The following SOS1 variants were observed in gnomAD, a reference collection of about 807,000 sequenced individuals.
SOS1 encodes the protein son of sevenless homolog 1.
Under a neutral mutation model 157.6 loss-of-function variants are expected in SOS1, and 25 were observed. The observed-to-expected ratio is 0.16, with a 90% CI of 0.12 to 0.22. SOS1 has a LOEUF of 0.22. SOS1 is among the 10% of genes least tolerant of loss of function. The pLI, the probability that SOS1 is intolerant of heterozygous loss-of-function variation, is 1.00. For missense variants in SOS1, 1,237 were observed against 1,599.1 expected (o/e 0.77, Z 3.86); for synonymous variants, 528 against 534.0 (o/e 0.99, Z 0.16).
At position 38,986,026 on chromosome 2, in the gene SOS1, TGAG is replaced by T. The variant is rs1272230145; in HGVS notation, c.3797_3799del (p.Pro1266del). On this transcript the variant is annotated inframe_deletion, in exon 23 of 23. Coordinates refer to ENST00000402219, the MANE Select transcript of SOS1 (RefSeq NM_005633.4). Reference sequence around the variant, plus strand: ...TGATGGCAGATGCCTTCTTGTGCCGTGAGGAGAAGGTGTTTGAGGAGGAGGTGG... The same window carrying T: ...TGATGGCAGATGCCTTCTTGTGCCGTGAGAAGGTGTTTGAGGAGGAGGTGG... The T allele has an allele frequency of 6.2e-7, 1 of 1,613,752 alleles. No homozygotes were observed. Among genetic ancestry groups the T allele is most frequent in the Non-Finnish European group, 8.5e-7 (1 of 1,179,850 alleles).
chr2:39,026,849 G>A (rs957481485), intron 8 of SOS1, among the ~76,000 whole-genome samples: 20 of 152,120 alleles, frequency 1.3e-4, no homozygotes, highest in African/African-American at 4.3e-4. Flanking sequence ...TAACACTAAC[G>A]AGAGCTGATG....
chr2:39,095,579 T>A (rs921789243), intron 1 of SOS1, among the ~76,000 whole-genome samples: 3 of 152,234 alleles, frequency 2.0e-5, no homozygotes, highest in Non-Finnish European at 4.4e-5. Context: ...CTCATTCTCC[T>A]GAATCTGGGG....
chr2:39,032,461 G>C (rs1670196685), intron 8 of SOS1, among the ~76,000 whole-genome samples: 1 of 152,008 alleles, frequency 6.6e-6, no homozygotes, highest in African/African-American at 2.4e-5. Context: ...TAAAATATAA[G>C]ACATAAGAAT....
At chr2:39,057,661 T>C (rs1671257850) in intron 3 of SOS1, among the ~76,000 whole-genome samples, 1 of 152,068 alleles carries the variant, frequency 6.6e-6, no homozygotes. Context: ...AATTAGCACA[T>C]AAAACTCAAA....
intron 6 of SOS1, among the ~76,000 whole-genome samples, chr2:39,035,819 T>C (rs1331135353): frequency 6.6e-6 from 1 of 152,068 alleles, no homozygotes; most frequent in Non-Finnish European, 1.5e-5. Context: ...AAATCTTAAC[T>C]TGACAACAAC....
At chr2:39,008,473 C>T (rs1669351544) in intron 15 of SOS1, among the ~76,000 whole-genome samples, 1 of 152,068 alleles carries the variant, frequency 6.6e-6, no homozygotes, top group South Asian at 2.1e-4. Context: ...TTTAATGGTG[C>T]CCTTAGGAAC....
intron 1 of SOS1, among the ~76,000 whole-genome samples, chr2:39,110,282 C>T (rs994923329): frequency 6.6e-6 from 1 of 152,096 alleles, no homozygotes; most frequent in Non-Finnish European, 1.5e-5. Flanking sequence ...AATAGTTGTA[C>T]TGTATTGTTT....
rs528624546 is a variant in SOS1, at chr2:38,999,381, C to G, written c.2792-1956G>C. ...AATGCTTTTGTGGTAGAGGCATACA[C>G]CACAGAAATCTTTGGCCACATCCTT... On this transcript the variant is annotated intron_variant, in intron 17 of 22. Coordinates refer to ENST00000402219, the MANE Select transcript of SOS1 (RefSeq NM_005633.4). 1.9e-4 allele frequency among the ~76,000 whole-genome samples: 29 copies of G among 152,236 alleles called. No homozygotes were observed. The East Asian group carries it at 5.6e-3, about 29-fold the overall frequency.
chr2:39,089,894 A>G lies in SOS1; in HGVS notation c.88-22141T>C, dbSNP rs1286879357. 2.6e-5 allele frequency among the ~76,000 whole-genome samples: 4 copies of G among 151,536 alleles called. No individual in the cohort carries two copies. In the Admixed American group the frequency reaches 2.6e-4, roughly 10 times the overall value. ...GTAATCCCAGTACTTTAGGAGGCAGAGGAAGGTGGATCATTTGAGGTTAGG... is the reference window on the plus strand; with the variant it reads ...GTAATCCCAGTACTTTAGGAGGCAGGGGAAGGTGGATCATTTGAGGTTAGG... On this transcript the variant is annotated intron_variant, in intron 1 of 22. Transcript: ENST00000402219.
chr2:39,094,998 T>C (rs944553462), intron 1 of SOS1, among the ~76,000 whole-genome samples: 1 of 152,118 alleles, frequency 6.6e-6, no homozygotes, highest in Non-Finnish European at 1.5e-5. Context: ...CAAATAAAAG[T>C]AGGGCCAACC....
intron 6 of SOS1, among the ~76,000 whole-genome samples, chr2:39,043,007 G>C (rs1027886989): frequency 4.6e-5 from 7 of 151,964 alleles, no homozygotes; most frequent in Admixed American, 3.9e-4. Context: ...TTCCTTTTCT[G>C]TCTTTTTGTA....
intron 17 of SOS1, among the ~76,000 whole-genome samples, 181 bp from the exon 18 acceptor site, chr2:38,997,606 A>ATTTTTTTTTTTTTT (rs4015854): frequency 6.8e-6 from 1 of 146,300 alleles, no homozygotes; most frequent in Non-Finnish European, 1.5e-5. Context: ...AAAGACTTAA[A>ATTTTTTTTTTTTTT]TTTTTTTTTT....
In SOS1 at chr2:39,050,734, C is replaced by T. The variant is rs768124285; in HGVS notation, c.864+410G>A. Among the ~76,000 whole-genome samples the T allele has an allele frequency of 5.3e-5, 8 of 152,172 alleles. 1 individual carries two copies. Among genetic ancestry groups the T allele is most frequent in the South Asian group, 4.1e-4 (2 of 4,826 alleles). On this transcript the variant is annotated intron_variant, in intron 6 of 22. Coordinates refer to ENST00000402219, the MANE Select transcript of SOS1 (RefSeq NM_005633.4). ...CATTCTTATTTTACAAATAAAGATA[C>T]GGAGGTTTAAAGAAATGAAATAACT... is the stretch of plus-strand genomic sequence containing the variant.
rs140991871 is a variant in SOS1 at position 38,986,053 on chromosome 2, G to C, written c.3773C>G (p.Pro1258Arg). The C allele has an allele frequency of 6.2e-7, 1 of 1,613,756 alleles. No homozygotes were observed. The highest frequency in any genetic ancestry group is 1.3e-5 in the African/African-American group (1 of 74,866). ...FFPNSPSPFT[P>R]PPPQTPSPHG... ...AGGAGAAGGTGTTTGAGGAGGAGGT[G>C]GTGTAAAGGGGGAAGGGCTGTTTGG... The change falls in exon 23 of 23, where the codon CCA (proline) becomes CGA (arginine). Residue 1258 changes from proline (P) to arginine (R), a missense_variant. Physicochemically the swap from Pro to Arg is moderately radical, Grantham distance 103. Coordinates refer to ENST00000402219, the MANE Select transcript of SOS1 (RefSeq NM_005633.4).
chr2:39,056,588 C>T (rs904321340), intron 4 of SOS1, 114 bp downstream of exon 4: 7 of 734,926 alleles, frequency 9.5e-6, no homozygotes, highest in African/African-American at 1.8e-5. Context: ...TATTAGGTTA[C>T]TGGAGATATT....
At chr2:39,013,667 AATCTT>A in intron 12 of SOS1, 104 bp from the exon 13 acceptor site, 6 of 956,054 alleles carry the variant, frequency 6.3e-6, no homozygotes, top group East Asian at 2.4e-5. Context: ...TTACCAAATT[AATCTT>A]ATCAGTGTGC....
At chr2:39,011,620 G>A (rs562179189) in intron 14 of SOS1, among the ~76,000 whole-genome samples, 1 of 152,252 alleles carries the variant, frequency 6.6e-6, no homozygotes, top group African/African-American at 2.4e-5. Context: ...TTTAAAATCA[G>A]AAGGACATTT....
chr2:39,054,497 C>A, intron 5 of SOS1, 117 bp downstream of exon 5: 1 of 661,680 alleles, frequency 1.5e-6, no homozygotes, highest in Non-Finnish European at 2.7e-6. Flanking sequence ...GAATTAAGTC[C>A]CACAACTTAA....
intron 20 of SOS1, among the ~76,000 whole-genome samples, chr2:38,990,218 T>C (rs1423483791): frequency 6.6e-6 from 1 of 151,786 alleles, no homozygotes; most frequent in Non-Finnish European, 1.5e-5. Context: ...ATTTGGAATA[T>C]TAAGTTTATT....
Sources: gnomAD v4.1 joint callset for allele counts (sites outside exome capture counted in the v4.1 genomes callset) on GRCh38, gnomAD v4.1.1 for gene constraint, MANE v1.5 for transcripts, NCBI Gene and HGNC (gene_info 2026-07-23, HGNC 2026-07-21) for gene names.